Variants in FNBP1 observed in about 807,000 individuals in gnomAD.
The protein encoded by FNBP1 is formin binding protein 1, also known as formin-binding protein 1.
FNBP1 carries 26 observed loss-of-function variants against 90.6 expected under a neutral mutation model. That is an observed-to-expected ratio of 0.29 (90% CI 0.21 to 0.40). FNBP1 has a LOEUF of 0.40. Among genes scored for constraint, FNBP1 ranks in the 10% least tolerant of loss-of-function variants. The pLI, the probability that FNBP1 is intolerant of heterozygous loss-of-function variation, is 1.00. For missense variants in FNBP1, 635 were observed against 768.0 expected (o/e 0.83, Z 2.05); for synonymous variants, 260 against 265.2 (o/e 0.98, Z 0.19).
At chr9:130,032,182 T>C (rs925645875) in intron 1 of FNBP1, among the ~76,000 whole-genome samples, 85 of 142,522 alleles carry the variant, frequency 6.0e-4, no homozygotes, top group African/African-American at 1.5e-3. Flanking sequence ...TTTTTTTTTT[T>C]CCCAGACAAG....
chr9:130,036,890 A>C (rs2059362275), intron 1 of FNBP1, among the ~76,000 whole-genome samples: 1 of 150,716 alleles, frequency 6.6e-6, no homozygotes, highest in South Asian at 2.1e-4. Flanking sequence ...CTAAAAATAC[A>C]AAAAATTAGC....
intron 10 of FNBP1, among the ~76,000 whole-genome samples, chr9:129,920,787 T>C (rs1369009889): frequency 6.6e-6 from 1 of 152,176 alleles, no homozygotes; most frequent in African/African-American, 2.4e-5. Flanking sequence ...ATATTCATCA[T>C]GAGAGTCCAA....
At chr9:129,982,388 T>C (rs2130984721) in intron 2 of FNBP1, among the ~76,000 whole-genome samples, 1 of 152,182 alleles carries the variant, frequency 6.6e-6, no homozygotes, top group South Asian at 2.1e-4. Context: ...GGGGAATGGC[T>C]TGAACCTGGG....
intron 16 of FNBP1, among the ~76,000 whole-genome samples, chr9:129,891,216 T>C (rs1049767887): frequency 2.0e-4 from 30 of 151,048 alleles, no homozygotes; most frequent in African/African-American, 7.1e-4. Flanking sequence ...TCCCAGCACT[T>C]TGAGAGGCTG....
chr9:129,936,533 CTTTCACAACCTG>C (rs2043491419), intron 6 of FNBP1: 2 of 151,990 alleles, frequency 1.3e-5, no homozygotes, highest in African/African-American at 4.8e-5. Flanking sequence ...AAACTTGCCA[CTTTCACAACCTG>C]TGTTATCTAG....
chr9:130,008,887 C>T (rs1450866340), intron 1 of FNBP1, among the ~76,000 whole-genome samples: 2 of 151,878 alleles, frequency 1.3e-5, no homozygotes, highest in South Asian at 2.1e-4. Flanking sequence ...AGTTCAAGAC[C>T]GACCCAGGAA....
intron 6 of FNBP1, among the ~76,000 whole-genome samples, chr9:129,948,356 C>CTTTTTTTTTTTT (rs71385491): frequency 1.4e-4 from 9 of 64,480 alleles, no homozygotes; most frequent in South Asian, 8.1e-4. Flanking sequence ...ATTTTGGTGT[C>CTTTTTTTTTTTT]TTTTTTTTTT....
rs184212391 is a variant in FNBP1, at chr9:130,014,048, G to C, written c.25-19090C>G. Reference sequence around the variant, plus strand: ...CCCACCTGTCCATCTGATTCTACTTGAAGTCCAAAAATAGGCAAAACTAAA... The same window carrying C: ...CCCACCTGTCCATCTGATTCTACTTCAAGTCCAAAAATAGGCAAAACTAAA... On this transcript the variant is annotated intron_variant, in intron 1 of 16. Transcript: ENST00000446176. 930 of 456,456 alleles carry C rather than the reference G, an allele frequency of 2.0e-3. 13 individuals are homozygous for C. Among genetic ancestry groups the C allele is most frequent in the Admixed American group, 0.015 (653 of 42,544 alleles). 28.3% of individuals were successfully genotyped at this position (456,456 alleles called of 1,614,324 possible). A position where few individuals can be genotyped will look rare whatever the true frequency, so the allele number is the denominator to read the frequency against.
chr9:130,022,520 T>C (rs1320932700), intron 1 of FNBP1, among the ~76,000 whole-genome samples: 2 of 152,232 alleles, frequency 1.3e-5, no homozygotes, highest in Admixed American at 6.5e-5. Context: ...AGAATACAGT[T>C]AAGAATACTG....
At chr9:130,016,026 T>A (rs57934154) in intron 1 of FNBP1, among the ~76,000 whole-genome samples, 1,711 of 152,382 alleles carry the variant, frequency 0.011, 43 homozygotes, top group African/African-American at 0.039. Flanking sequence ...CTCTTCTTAA[T>A]CTTTGTTCAT....
chr9:130,052,399 A>G, the FNBP1 span, among the ~76,000 whole-genome samples: 1 of 152,036 alleles, frequency 6.6e-6, no homozygotes, highest in Non-Finnish European at 1.5e-5. Context: ...ATGTTTCATC[A>G]CTATTGTATT....
At position 129,924,021 on chromosome 9, in the gene FNBP1, C is replaced by T; in HGVS notation, c.993G>A (p.Met331Ile). Residue 331 changes from methionine (M) to isoleucine (I), a missense_variant, in exon 10 of 17, where the codon ATG (methionine) becomes ATA (isoleucine). Physicochemically the swap from Met to Ile is conservative, Grantham distance 10. Coordinates refer to ENST00000446176, the MANE Select transcript of FNBP1 (RefSeq NM_015033.3). ...LWPFIKKNKL[M>I]SLLTSPHQPP... Reference sequence around the variant, plus strand: ...GCTGATGGGGGGATGTTAAAAGGGACATAAGCTACATGTAAGAGATGGAGC... The same window carrying T: ...GCTGATGGGGGGATGTTAAAAGGGATATAAGCTACATGTAAGAGATGGAGC... The T allele has an allele frequency of 2.0e-6, 3 of 1,511,930 alleles. No homozygotes were observed. The highest frequency in any genetic ancestry group is 2.6e-6 in the Non-Finnish European group (3 of 1,133,640). The allele number at this position is 1,511,930 out of a possible 1,614,324, so 93.7% of individuals were successfully genotyped here. A position where few individuals can be genotyped will look rare whatever the true frequency, so the allele number is the denominator to read the frequency against.
chr9:129,914,755 G>GTATATATA (rs71499203), intron 11 of FNBP1, among the ~76,000 whole-genome samples: 1 of 98,434 alleles, frequency 1.0e-5, no homozygotes, highest in Non-Finnish European at 2.1e-5. Context: ...ACATACATAT[G>GTATATATA]TCTATATATA....
intron 6 of FNBP1, among the ~76,000 whole-genome samples, chr9:129,950,742 A>G (rs531613641): frequency 6.6e-6 from 1 of 152,302 alleles, no homozygotes; most frequent in African/African-American, 2.4e-5. Flanking sequence ...ACACACATTC[A>G]TAATTACACA....
intron 6 of FNBP1, among the ~76,000 whole-genome samples, chr9:129,938,918 G>T (rs1221056389): frequency 2.6e-5 from 4 of 151,996 alleles, no homozygotes; most frequent in Non-Finnish European, 5.9e-5. Flanking sequence ...TTCCCCCCTG[G>T]TTTCTCACGC....
intron 1 of FNBP1, among the ~76,000 whole-genome samples, chr9:130,021,337 C>T (rs2057805648): frequency 6.6e-6 from 1 of 152,088 alleles, no homozygotes. Flanking sequence ...AAAAAAAGAA[C>T]CAAATAGTTA....
intron 6 of FNBP1, among the ~76,000 whole-genome samples, chr9:129,942,041 A>G (rs573662882): frequency 1.5e-3 from 229 of 151,900 alleles, no homozygotes; most frequent in Non-Finnish European, 2.8e-3. Context: ...ACTGCACTCC[A>G]GCCTGGGAGA....
At position 129,889,555 on chromosome 9, in the gene FNBP1, G is replaced by T; in HGVS notation, c.*984C>A. ...ACTGCACTCCAGTCTGAACAATAGA[G>T]CGAGACTCCCGTCTCAAAAAAAAAA... On this transcript the variant is annotated 3_prime_UTR_variant, in exon 17 of 17. Transcript: ENST00000446176. The T allele has an allele frequency of 5.0e-6, 1 of 200,142 alleles. No individual in the cohort carries two copies. Among genetic ancestry groups the T allele is most frequent in the Non-Finnish European group, 1.0e-5 (1 of 98,456 alleles). 12.4% of individuals were successfully genotyped at this position (200,142 alleles called of 1,614,324 possible).
At chr9:129,942,994 A>C (rs1263654556) in intron 6 of FNBP1, among the ~76,000 whole-genome samples, 2 of 152,066 alleles carry the variant, frequency 1.3e-5, no homozygotes, top group Non-Finnish European at 2.9e-5. Flanking sequence ...CATCCGGCCC[A>C]TTTGGCTTTA....
Sources: allele counts gnomAD v4.1 joint callset (sites outside exome capture counted in the v4.1 genomes callset), GRCh38; gene constraint gnomAD v4.1.1; transcripts MANE v1.5; gene names NCBI Gene and HGNC (gene_info 2026-07-23, HGNC 2026-07-21).